CNTNAP2: variants seen among roughly 807,000 people sequenced by gnomAD.
The protein encoded by CNTNAP2 is contactin associated protein 2, also known as contactin-associated protein-like 2.
A neutral mutation model predicts 155.2 loss-of-function variants in CNTNAP2; 98 were observed. The ratio of observed to expected loss-of-function variants is 0.63; its 90% CI spans 0.54 to 0.75. The LOEUF (loss-of-function observed/expected upper bound fraction) is 0.75. Ranked by LOEUF, CNTNAP2 falls within the 30% of genes least tolerant of loss-of-function variation. CNTNAP2 has a pLI of 0.00. For missense variants in CNTNAP2, 1,727 were observed against 1,688.1 expected (o/e 1.02, Z -0.40); for synonymous variants, 651 against 631.2 (o/e 1.03, Z -0.47).
At chr7:147,503,047 C>T (rs981587093) in intron 11 of CNTNAP2, among the ~76,000 whole-genome samples, 12 of 152,130 alleles carry the variant, frequency 7.9e-5, no homozygotes, top group African/African-American at 2.9e-4. Context: ...TAAATAACCA[C>T]ATTCTTGCTG....
At chr7:147,320,384 A>AT (rs889564868) in intron 9 of CNTNAP2, among the ~76,000 whole-genome samples, 4 of 152,102 alleles carry the variant, frequency 2.6e-5, no homozygotes, top group Non-Finnish European at 5.9e-5. Context: ...GTGCAGGGAG[A>AT]TTTTTTACTG....
chr7:146,901,605 T>G (rs1158691480), intron 3 of CNTNAP2, among the ~76,000 whole-genome samples: 2 of 152,156 alleles, frequency 1.3e-5, no homozygotes, highest in Non-Finnish European at 2.9e-5. Flanking sequence ...CTAGATTCCT[T>G]ATGGAATTTG....
chr7:146,594,525 A>G (rs1451793280), intron 1 of CNTNAP2, among the ~76,000 whole-genome samples: 3 of 152,128 alleles, frequency 2.0e-5, no homozygotes, highest in African/African-American at 7.2e-5. Flanking sequence ...GAGTAAATAC[A>G]TTAAACTTTT....
At chr7:146,389,230 C>A (rs10275851) in intron 1 of CNTNAP2, among the ~76,000 whole-genome samples, 5 of 112,780 alleles carry the variant, frequency 4.4e-5, no homozygotes, top group African/African-American at 1.7e-4. Context: ...TAGTCACACA[C>A]ACACACACAC....
At chr7:148,212,144 T>A (rs915916682) in intron 18 of CNTNAP2, among the ~76,000 whole-genome samples, 1 of 64,390 alleles carries the variant, frequency 1.6e-5, no homozygotes, top group Non-Finnish European at 3.6e-5. Context: ...TTTTGTGGGT[T>A]TTTTTTTTTC....
At chr7:147,475,603 C>G (rs568646375) in intron 10 of CNTNAP2, among the ~76,000 whole-genome samples, 1 of 150,996 alleles carries the variant, frequency 6.6e-6, no homozygotes, top group Non-Finnish European at 1.5e-5. Context: ...ACCAATTTGT[C>G]TTTGTATTTG....
intron 3 of CNTNAP2, among the ~76,000 whole-genome samples, chr7:146,876,350 A>G (rs962572289): frequency 1.3e-5 from 2 of 152,048 alleles, no homozygotes; most frequent in Non-Finnish European, 2.9e-5. Flanking sequence ...GATTTCATAT[A>G]CCATTTTGTG....
At chr7:146,177,254 C>A (rs1798482999) in intron 1 of CNTNAP2, among the ~76,000 whole-genome samples, 1 of 152,134 alleles carries the variant, frequency 6.6e-6, no homozygotes, top group Non-Finnish European at 1.5e-5. Context: ...TGACTAAGTT[C>A]TTTTGCTGTA....
rs1432046622 is a variant in CNTNAP2, at chr7:147,368,016, C to CTCTCTGTCTCTCTCTCT, written c.1499-27593_1499-27592insTCTCTGTCTCTCTCTCT. ...TCTCTCTCTCTGTCTCTCTCTCTCC[C>CTCTCTGTCTCTCTCTCT]CCCCCTCCCCCTCCTCCTCTGTCCC... On this transcript the variant is annotated intron_variant, in intron 9 of 23. Transcript: ENST00000361727. Among the ~76,000 whole-genome samples the CTCTCTGTCTCTCTCTCT allele has an allele frequency of 3.3e-4, 35 of 105,034 alleles. 1 individual carries two copies. Among genetic ancestry groups the CTCTCTGTCTCTCTCTCT allele is most frequent in the African/African-American group, 1.5e-3 (34 of 22,890 alleles). The allele number at this position is 105,034 out of a possible 152,430, so 68.9% of individuals were successfully genotyped here.
chr7:146,676,795 CT>C (rs1232963685), intron 1 of CNTNAP2, among the ~76,000 whole-genome samples: 1 of 152,132 alleles, frequency 6.6e-6, no homozygotes, highest in Non-Finnish European at 1.5e-5. Flanking sequence ...TCTCATGAGA[CT>C]TTTTCACTAC....
intron 15 of CNTNAP2, among the ~76,000 whole-genome samples, chr7:147,983,492 G>A (rs1396573377): frequency 6.6e-6 from 1 of 151,650 alleles, no homozygotes; most frequent in African/African-American, 2.4e-5. Flanking sequence ...AATATTTAAA[G>A]AGGTTTATTT....
chr7:147,756,540 A>G (rs1797215776), intron 13 of CNTNAP2, among the ~76,000 whole-genome samples: 1 of 152,202 alleles, frequency 6.6e-6, no homozygotes, highest in Admixed American at 6.5e-5. Context: ...GCCAAAGTTA[A>G]TCATGGTCTA....
intron 20 of CNTNAP2, among the ~76,000 whole-genome samples, chr7:148,238,803 A>G (rs1232255622): frequency 6.6e-6 from 1 of 152,184 alleles, no homozygotes; most frequent in Admixed American, 6.5e-5. Flanking sequence ...TGGAGCCCAG[A>G]CTGAAATTAG....
intron 1 of CNTNAP2, among the ~76,000 whole-genome samples, chr7:146,695,447 C>T (rs1259725207): frequency 1.3e-5 from 2 of 151,148 alleles, no homozygotes; most frequent in African/African-American, 4.9e-5. Context: ...CAGGGTCTCA[C>T]TCTGTCACCC....
intron 15 of CNTNAP2, among the ~76,000 whole-genome samples, chr7:148,023,273 A>G (rs1302623395): frequency 6.6e-6 from 1 of 152,216 alleles, no homozygotes; most frequent in Non-Finnish European, 1.5e-5. Context: ...TGTGTTCAGT[A>G]GAGAGAGATG....
intron 8 of CNTNAP2, among the ~76,000 whole-genome samples, chr7:147,242,914 T>C (rs1803970475): frequency 6.6e-6 from 1 of 151,788 alleles, no homozygotes; most frequent in South Asian, 2.1e-4. Context: ...ACCATTCTTA[T>C]GTACTTTAAC....
At chr7:147,837,882 C>T (rs1074212) in intron 13 of CNTNAP2, among the ~76,000 whole-genome samples, 7,857 of 152,264 alleles carry the variant, frequency 0.052, 282 homozygotes, top group Middle Eastern at 0.092. Flanking sequence ...CAGGCTATAG[C>T]CTCCCTCCTG....
chr7:147,284,554 A>G (rs556595155), intron 8 of CNTNAP2, among the ~76,000 whole-genome samples: 1 of 152,100 alleles, frequency 6.6e-6, no homozygotes, highest in South Asian at 2.1e-4. Flanking sequence ...ATGCTAGGAT[A>G]AAAATATTAC....
chr7:147,740,953 A>C (rs115605348), intron 13 of CNTNAP2, among the ~76,000 whole-genome samples: 2 of 152,136 alleles, frequency 1.3e-5, no homozygotes, highest in Non-Finnish European at 2.9e-5. Context: ...AGTTTTCCCA[A>C]CTGGAGGAGA....
Sources: gnomAD v4.1 joint callset for allele counts (sites outside exome capture counted in the v4.1 genomes callset) on GRCh38, gnomAD v4.1.1 for gene constraint, MANE v1.5 for transcripts, NCBI Gene and HGNC (gene_info 2026-07-23, HGNC 2026-07-21) for gene names.